The following HIPK3 variants were observed in gnomAD, a reference collection of about 807,000 sequenced individuals.
HIPK3 encodes homeodomain-interacting protein kinase 3.
In HIPK3, 47 loss-of-function variants were observed where a neutral mutation model predicts 124.2. That is an observed-to-expected ratio of 0.38 (90% confidence interval 0.30 to 0.48). The LOEUF (loss-of-function observed/expected upper bound fraction) is 0.48, where lower values mean the gene tolerates loss of function less well. HIPK3 is among the 20% of genes least tolerant of loss of function. HIPK3 has a pLI of 0.98. For synonymous variants in HIPK3, 482 were observed against 515.2 expected (o/e 0.94, Z 0.87); for missense variants, 1,286 against 1,454.3 (o/e 0.88, Z 1.88).
chr11:33,347,725 G>C lies in HIPK3; in HGVS notation c.2116G>C (p.Ala706Pro). ...ATTTLTSESV[A>P]GSHRLGDWGK... ...TACTACACTAACTTCTGAGAGTGTGGCTGGTTCACACAGGCTTGGAGACTG... is the reference window on the plus strand; with the variant it reads ...TACTACACTAACTTCTGAGAGTGTGCCTGGTTCACACAGGCTTGGAGACTG... The change falls in exon 10 of 17, where the codon GCT becomes CCT. Residue 706 changes from alanine (A) to proline (P), a missense_variant. Ala to Pro is a conservative substitution (Grantham distance 27). Around this residue, in one of 3 missense-constraint regions of HIPK3, gnomAD observed 810 missense variants for 864.9 expected, o/e 0.94. Transcript: ENST00000303296. 1.2e-5 allele frequency: 19 copies of C among 1,614,172 alleles called. No homozygotes were observed. The highest frequency in any genetic ancestry group is 1.6e-5 in the Non-Finnish European group (19 of 1,180,010).
At chr11:33,323,587 G>C (rs560499030) in intron 2 of HIPK3, among the ~76,000 whole-genome samples, 1 of 152,348 alleles carries the variant, frequency 6.6e-6, no homozygotes, top group South Asian at 2.1e-4. Flanking sequence ...AATCTATAGA[G>C]ACAGAAAGTG....
In HIPK3 at chr11:33,351,794, A is replaced by G. The variant is rs761527941; in HGVS notation, c.2994A>G (p.Pro998=). 1.2e-5 allele frequency: 19 copies of G among 1,614,208 alleles called. No individual in the cohort carries two copies. The highest frequency in any genetic ancestry group is 1.6e-5 in the Non-Finnish European group (19 of 1,180,026). The change falls in exon 15 of 17, where the codon CCA becomes CCG. Residue 998 remains proline (P), a synonymous_variant. Transcript: ENST00000303296. ...KPAVCSVVVP[P]VELENGLNAD... ...CTGTCTGTTCTGTTGTGGTGCCACC[A>G]GTGGAACTAGAAAATGGCTTAAATG...
At chr11:33,340,852 A>G in intron 6 of HIPK3, 116 bp from the exon 7 acceptor site, 1 of 554,138 alleles carries the variant, frequency 1.8e-6, no homozygotes, top group Non-Finnish European at 3.1e-6. Context: ...AAGCAGATTA[A>G]GTGCAAATTA....
In HIPK3 at chr11:33,355,970, T is replaced by C. The variant is rs1490985555; in HGVS notation, c.*2402T>C. 6.6e-6 allele frequency: 1 copy of C among 152,036 alleles called. No individual in the cohort carries two copies. Among genetic ancestry groups the C allele is most frequent in the Non-Finnish European group, 1.5e-5 (1 of 67,902 alleles). 9.4% of individuals were successfully genotyped at this position (152,036 alleles called of 1,614,324 possible). On this transcript the variant is annotated 3_prime_UTR_variant, in exon 17 of 17. Transcript: ENST00000303296. ...CTCCACAGCCTTCTAATTTTATTTA[T>C]ATGTTCCAGCAGATTATTAGGATCT... is the stretch of plus-strand genomic sequence containing the variant.
intron 1 of HIPK3, among the ~76,000 whole-genome samples, chr11:33,276,586 A>G (rs1406233543): frequency 1.3e-5 from 2 of 152,236 alleles, no homozygotes; most frequent in Non-Finnish European, 2.9e-5. Context: ...TGACTGCTTC[A>G]CTTTGGTGTG....
At chr11:33,258,005 C>G in intron 1 of HIPK3, 116 bp downstream of exon 1, 1 of 860,262 alleles carries the variant, frequency 1.2e-6, no homozygotes, top group South Asian at 5.3e-5. Flanking sequence ...ACACCTCCGG[C>G]GCAGCCCGCA....
chr11:33,285,614 A>AT (rs35492784), intron 1 of HIPK3, among the ~76,000 whole-genome samples: 3 of 151,152 alleles, frequency 2.0e-5, no homozygotes, highest in South Asian at 2.1e-4. Context: ...GCAGACATAG[A>AT]TTTTTTTTCC....
intron 2 of HIPK3, among the ~76,000 whole-genome samples, chr11:33,305,526 T>G (rs1012129889): frequency 2.8e-4 from 42 of 152,324 alleles, no homozygotes; most frequent in African/African-American, 9.4e-4. Flanking sequence ...TAATAGATGA[T>G]AATACTATCT....
intron 1 of HIPK3, among the ~76,000 whole-genome samples, chr11:33,284,250 T>C (rs548477224): frequency 3.3e-5 from 5 of 152,254 alleles, no homozygotes; most frequent in East Asian, 3.9e-4. Context: ...AAGCCAACAT[T>C]TATTGAACAC....
intron 2 of HIPK3, among the ~76,000 whole-genome samples, chr11:33,302,069 T>C (rs1852015754): frequency 6.6e-6 from 1 of 152,184 alleles, no homozygotes; most frequent in Non-Finnish European, 1.5e-5. Flanking sequence ...TTCTATTCAT[T>C]TGGAAACAGC....
chr11:33,257,188 G>A (rs1193534116), upstream of HIPK3: 2 of 959,368 alleles, frequency 2.1e-6, no homozygotes, highest in Non-Finnish European at 2.5e-6. Flanking sequence ...CTGGCAGGCG[G>A]GCTCCGGGCA....
Position 33,286,913 on chromosome 11 carries a change from G to A in HIPK3, c.499G>A (p.Ala167Thr). 6.2e-7 allele frequency: 1 copy of A among 1,614,194 alleles called. No individual in the cohort carries two copies. Among genetic ancestry groups the A allele is most frequent in the Non-Finnish European group, 8.5e-7 (1 of 1,180,024 alleles). ...GGGAAATCCAGTGACAGTTGTGACA[G>A]CTACCACAGGATCAAAACAGAATTG... is the stretch of plus-strand genomic sequence containing the variant. The part of the protein sequence containing the change: ...NMGNPVTVVT[A>T]TTGSKQNCTT... The change falls in exon 2 of 17, where the codon GCT (alanine) becomes ACT (threonine). Residue 167 changes from alanine to threonine, a missense_variant. This residue lies in a region of HIPK3 where 225 missense variants were observed against 240.3 expected (regional missense o/e 0.94). Transcript: ENST00000303296.
chr11:33,313,296 G>A (rs1213197389), intron 2 of HIPK3, among the ~76,000 whole-genome samples: 2 of 152,148 alleles, frequency 1.3e-5, no homozygotes, highest in African/African-American at 4.8e-5. Context: ...CATGAATCTG[G>A]GATTTATTTA....
chr11:33,355,150 T>A lies in HIPK3; in HGVS notation c.*1582T>A, dbSNP rs1853782968. On this transcript the variant is annotated 3_prime_UTR_variant, in exon 17 of 17. Coordinates refer to ENST00000303296, the MANE Select transcript of HIPK3 (RefSeq NM_005734.5). ...AATTAGGTGATTAACTAGTTGTTATTTAGCCTTCTAATTTCTGTATAAGTC... is the reference window on the plus strand; with the variant it reads ...AATTAGGTGATTAACTAGTTGTTATATAGCCTTCTAATTTCTGTATAAGTC... 6.6e-6 allele frequency: 1 copy of A among 152,138 alleles called. No homozygotes were observed. The highest frequency in any genetic ancestry group is 2.1e-4 in the South Asian group (1 of 4,838). 9.4% of individuals were successfully genotyped at this position (152,138 alleles called of 1,614,324 possible). A position where few individuals can be genotyped will look rare whatever the true frequency, so the allele number is the denominator to read the frequency against.
rs1445903692 is a variant in HIPK3 at position 33,353,410 on chromosome 11, G to C, written c.3490G>C (p.Val1164Leu). The C allele has an allele frequency of 6.2e-7, 1 of 1,614,018 alleles. No homozygotes were observed. Among genetic ancestry groups the C allele is most frequent in the South Asian group, 1.1e-5 (1 of 91,084 alleles). The change falls in exon 17 of 17, where the codon GTC (valine) becomes CTC (leucine). Residue 1164 changes from valine (V) to leucine (L), a missense_variant. This residue lies in a region of HIPK3 where 810 missense variants were observed against 864.9 expected (regional missense o/e 0.94). Transcript: ENST00000303296. ...CCATCCCAGTGGCATAGTTCACCAAGTCCCAGTGGGCTTAAATCCCCGTCT... is the reference window on the plus strand; with the variant it reads ...CCATCCCAGTGGCATAGTTCACCAACTCCCAGTGGGCTTAAATCCCCGTCT... ...ISHPSGIVHQ[V>L]PVGLNPRLLP...
At chr11:33,319,354 G>GGT (rs2133955496) in intron 2 of HIPK3, among the ~76,000 whole-genome samples, 1 of 152,200 alleles carries the variant, frequency 6.6e-6, no homozygotes, top group East Asian at 1.9e-4. Flanking sequence ...AAATTAGCTG[G>GGT]GTGTGATGGC....
chr11:33,284,815 A>G (rs1452515392), intron 1 of HIPK3, among the ~76,000 whole-genome samples: 1 of 152,218 alleles, frequency 6.6e-6, no homozygotes, highest in Non-Finnish European at 1.5e-5. Flanking sequence ...AGTATTACTT[A>G]AAGTGATGAT....
chr11:33,349,406 C>A, intron 14 of HIPK3, 119 bp downstream of exon 14: 1 of 772,364 alleles, frequency 1.3e-6, no homozygotes, highest in Non-Finnish European at 2.0e-6. Context: ...ATCTTGAACA[C>A]AATTTTTGAA....
chr11:33,311,771 G>C (rs537204929), intron 2 of HIPK3, among the ~76,000 whole-genome samples: 54 of 151,522 alleles, frequency 3.6e-4, no homozygotes, highest in African/African-American at 1.3e-3. Flanking sequence ...ACTTTGGGAG[G>C]CTGAGGCAGG....
Sources: allele counts gnomAD v4.1 joint callset (sites outside exome capture counted in the v4.1 genomes callset), GRCh38; gene constraint gnomAD v4.1.1; regional missense constraint gnomAD v4.1.1; transcripts MANE v1.5; gene names NCBI Gene and HGNC (gene_info 2026-07-23, HGNC 2026-07-21).